NBAS: variants seen among roughly 807,000 people sequenced by gnomAD.
The protein encoded by NBAS is NAG/BC035112 fusion.
In NBAS, 219 loss-of-function variants were observed where a neutral mutation model predicts 302.5. The ratio of observed to expected loss-of-function variants is 0.72; its 90% CI spans 0.65 to 0.81. The LOEUF (loss-of-function observed/expected upper bound fraction) is 0.81. NBAS is among the 30% of genes least tolerant of loss of function. NBAS has a pLI of 0.00. For synonymous variants in NBAS, 1,118 were observed against 1,021.6 expected (o/e 1.09, Z -1.80); for missense variants, 2,932 against 2,841.6 (o/e 1.03, Z -0.72).
chr2:14,807,927 T>TCA, the NBAS span, among the ~76,000 whole-genome samples: 8 of 151,972 alleles, frequency 5.3e-5, no homozygotes, highest in East Asian at 5.8e-4. Context: ...TCTCTCTCTC[T>TCA]CACACACACA....
the NBAS span, among the ~76,000 whole-genome samples, chr2:15,030,047 A>C: frequency 6.6e-6 from 1 of 152,196 alleles, no homozygotes; most frequent in Admixed American, 6.5e-5. Flanking sequence ...CATGGAAAAA[A>C]AATTCAGTCT....
the NBAS span, among the ~76,000 whole-genome samples, chr2:14,826,171 A>C: frequency 7.1e-3 from 1,089 of 152,342 alleles, 23 homozygotes; most frequent in African/African-American, 0.025. Flanking sequence ...TCTCACTGGC[A>C]CTAACTTTTT....
chr2:14,827,969 A>T, the NBAS span, among the ~76,000 whole-genome samples: 81 of 152,294 alleles, frequency 5.3e-4, 1 homozygote, highest in African/African-American at 1.8e-3. Flanking sequence ...ACACTTTGAA[A>T]TTTTTTTAAA....
At chr2:15,423,670 A>C (rs1291388944) in intron 23 of NBAS, among the ~76,000 whole-genome samples, 2 of 152,196 alleles carry the variant, frequency 1.3e-5, no homozygotes, top group African/African-American at 2.4e-5. Flanking sequence ...CGTGGAAGAA[A>C]GAAATCATCA....
At chr2:15,057,956 C>T in the NBAS span, among the ~76,000 whole-genome samples, 22 of 152,188 alleles carry the variant, frequency 1.4e-4, no homozygotes, top group African/African-American at 5.3e-4. Context: ...GATGTTGGCG[C>T]GGATGCAGCA....
At chr2:15,426,535 T>G (rs1407763734) in intron 22 of NBAS, among the ~76,000 whole-genome samples, 1 of 152,226 alleles carries the variant, frequency 6.6e-6, no homozygotes, top group African/African-American at 2.4e-5. Flanking sequence ...GGAAAGTTTC[T>G]TGCTTTTATC....
chr2:15,479,999 A>G (rs1251934127), intron 12 of NBAS, among the ~76,000 whole-genome samples: 5 of 152,222 alleles, frequency 3.3e-5, no homozygotes, highest in Admixed American at 6.5e-5. Flanking sequence ...CTGATATAGT[A>G]CTAGGCTTCC....
At chr2:14,840,884 C>A in the NBAS span, among the ~76,000 whole-genome samples, 1 of 151,924 alleles carries the variant, frequency 6.6e-6, no homozygotes, top group South Asian at 2.1e-4. Context: ...TCAGAATACT[C>A]CCAATATTTT....
At chr2:15,114,425 C>G in the NBAS span, among the ~76,000 whole-genome samples, 2 of 152,116 alleles carry the variant, frequency 1.3e-5, no homozygotes, top group African/African-American at 2.4e-5. Flanking sequence ...TTAGCCCACT[C>G]TAATAAGCTC....
intron 35 of NBAS, among the ~76,000 whole-genome samples, chr2:15,343,428 G>A (rs909099030): frequency 6.6e-6 from 1 of 151,962 alleles, no homozygotes; most frequent in African/African-American, 2.4e-5. Context: ...CAGAGCACAT[G>A]GGGAAAAATT....
chr2:15,216,830 C>G (rs563775741), intron 48 of NBAS, among the ~76,000 whole-genome samples: 1 of 152,312 alleles, frequency 6.6e-6, no homozygotes, highest in East Asian at 1.9e-4. Context: ...TCTGACATAA[C>G]ATAAAGTGAG....
the NBAS span, among the ~76,000 whole-genome samples, chr2:14,856,415 A>G: frequency 6.6e-6 from 1 of 152,328 alleles, no homozygotes; most frequent in African/African-American, 2.4e-5. Context: ...AGCATCCACA[A>G]CATCCAGGAA....
In NBAS at chr2:15,280,758, G is replaced by A. The variant is rs148662239; in HGVS notation, c.5139-3657C>T. ...AGAGCATGAAGATCTATGAATCAACGTGAATGATCATCACTGCTGGTGAAC... is the reference window on the plus strand; with the variant it reads ...AGAGCATGAAGATCTATGAATCAACATGAATGATCATCACTGCTGGTGAAC... On this transcript the variant is annotated intron_variant, in intron 42 of 51. Transcript: ENST00000281513. 1.6e-3 allele frequency among the ~76,000 whole-genome samples: 245 copies of A among 152,240 alleles called. 3 individuals are homozygous for A. Among genetic ancestry groups the A allele is most frequent in the Admixed American group, 0.016 (238 of 15,292 alleles).
chr2:15,383,174 T>A, intron 29 of NBAS, 41 bp downstream of exon 29: 1 of 1,456,280 alleles, frequency 6.9e-7, no homozygotes, highest in Non-Finnish European at 9.4e-7. Flanking sequence ...ACAATTAAAA[T>A]TGTTAAATTA....
At chr2:15,531,343 T>C (rs1468146652) in intron 9 of NBAS, among the ~76,000 whole-genome samples, 1 of 151,890 alleles carries the variant, frequency 6.6e-6, no homozygotes, top group East Asian at 1.9e-4. Flanking sequence ...CAAACTGGAG[T>C]AGATCAGAAA....
rs76674677 is a variant in NBAS at position 15,376,699 on chromosome 2, T to C, written c.3591-1979A>G. ...GGGGAAAATGAATCTCTCCAATATA[T>C]CCTTTTTGTATTGTTTAAATATTTA... On this transcript the variant is annotated intron_variant, in intron 30 of 51. Transcript: ENST00000281513. 8.5e-3 allele frequency among the ~76,000 whole-genome samples: 1,296 copies of C among 152,258 alleles called. 24 individuals are homozygous for C. Among genetic ancestry groups the C allele is most frequent in the African/African-American group, 0.029 (1,210 of 41,552 alleles).
rs777693701 is a variant in NBAS, at chr2:15,558,547, T to A, written c.172+33A>T. 2.5e-6 allele frequency: 4 copies of A among 1,574,762 alleles called. No homozygotes were observed. The African/African-American group carries it at 5.4e-5, about 21-fold the overall frequency. On this transcript the variant is annotated intron_variant, in intron 2 of 51. Coordinates refer to ENST00000281513, the MANE Select transcript of NBAS (RefSeq NM_015909.4). ...AAGAACACATTTTAACTGTTAACCA[T>A]ATCATTACTGTAGAGAAATAAGCTA... is the stretch of plus-strand genomic sequence containing the variant.
chr2:15,096,963 G>A, the NBAS span, among the ~76,000 whole-genome samples: 1 of 152,212 alleles, frequency 6.6e-6, no homozygotes, highest in East Asian at 1.9e-4. Context: ...TGAGGAAATT[G>A]CTTGGGAGGG....
intron 30 of NBAS, among the ~76,000 whole-genome samples, chr2:15,378,408 C>T (rs1400738219): frequency 6.6e-6 from 1 of 152,100 alleles, no homozygotes; most frequent in Non-Finnish European, 1.5e-5. Flanking sequence ...AGAACAGCAG[C>T]GTATCAGTCA....
Sources: allele counts gnomAD v4.1 joint callset (sites outside exome capture counted in the v4.1 genomes callset), GRCh38; gene constraint gnomAD v4.1.1; transcripts MANE v1.5; gene names NCBI Gene and HGNC (gene_info 2026-07-23, HGNC 2026-07-21).